PHKB: variants seen among roughly 807,000 people sequenced by gnomAD.
PHKB encodes phosphorylase kinase regulatory subunit beta, also known as phosphorylase b kinase regulatory subunit beta.
Under a neutral mutation model 152.1 loss-of-function variants are expected in PHKB, and 122 were observed. The observed-to-expected ratio is 0.80, with a 90% confidence interval of 0.69 to 0.93. The LOEUF (loss-of-function observed/expected upper bound fraction) is 0.93. Among genes scored for constraint, PHKB ranks in the 40% least tolerant of loss-of-function variants. The pLI is 0.00. For missense variants in PHKB, 1,304 were observed against 1,328.4 expected (o/e 0.98, Z 0.29); for synonymous variants, 436 against 464.9 (o/e 0.94, Z 0.80).
intron 2 of PHKB, among the ~76,000 whole-genome samples, chr16:47,497,912 T>C (rs1443655855): frequency 2.6e-5 from 4 of 152,224 alleles, no homozygotes; most frequent in African/African-American, 7.2e-5. Context: ...GTTAGTATTA[T>C]TAATATCAGG....
chr16:47,630,044 G>T (rs1404265577), intron 14 of PHKB, among the ~76,000 whole-genome samples: 11 of 151,960 alleles, frequency 7.2e-5, no homozygotes, highest in Admixed American at 1.3e-4. Flanking sequence ...GGAGGAGGGG[G>T]GGATGGCAAT....
intron 6 of PHKB, among the ~76,000 whole-genome samples, chr16:47,547,144 G>A (rs1035492305): frequency 3.3e-5 from 5 of 152,144 alleles, no homozygotes; most frequent in East Asian, 1.9e-4. Flanking sequence ...GAGGTGAACC[G>A]GTTATCTCAG....
intron 26 of PHKB, among the ~76,000 whole-genome samples, chr16:47,678,725 G>A (rs879596884): frequency 1.6e-4 from 24 of 151,858 alleles, no homozygotes; most frequent in Non-Finnish European, 2.2e-4. Context: ...TAGGTTGCCT[G>A]TTCACTCTGA....
chr16:47,510,226 C>T (rs1431892098), intron 4 of PHKB, among the ~76,000 whole-genome samples: 10 of 152,056 alleles, frequency 6.6e-5, no homozygotes, highest in African/African-American at 1.2e-4. Context: ...TTATAGCAAC[C>T]GTGTTATGTA....
At chr16:47,548,672 T>G (rs933427540) in intron 7 of PHKB, among the ~76,000 whole-genome samples, 4 of 151,630 alleles carry the variant, frequency 2.6e-5, no homozygotes, top group Non-Finnish European at 5.9e-5. Flanking sequence ...TGTTCTCTAT[T>G]TTATGATAGA....
At chr16:47,639,992 A>G (rs1431152705) in intron 14 of PHKB, among the ~76,000 whole-genome samples, 3 of 152,156 alleles carry the variant, frequency 2.0e-5, no homozygotes, top group East Asian at 1.9e-4. Flanking sequence ...TTAAATGGGT[A>G]TTTGTTTTTG....
rs779418998 is a variant in PHKB at position 47,696,442 on chromosome 16, C to T, written c.2957C>T (p.Thr986Met). 64 of 1,610,582 alleles carry T rather than the reference C, an allele frequency of 4.0e-5. No homozygotes were observed. The highest frequency in any genetic ancestry group is 5.2e-5 in the Non-Finnish European group (61 of 1,176,922). ...EMNFSLLVED[T>M]LGNIDQPQYR... ...AATTTCTCTCTCCTTGTTGAAGACA[C>T]GTTGGGAAATATTGACCAGCCACAG... The change falls in exon 29 of 31, where the codon ACG becomes ATG. Residue 986 changes from threonine (T) to methionine (M), a missense_variant. By Grantham distance (81) the Thr-to-Met change is moderately conservative (BLOSUM62 -1). Coordinates refer to ENST00000323584, the MANE Select transcript of PHKB (RefSeq NM_000293.3).
chr16:47,484,862 A>C (rs142331919), intron 1 of PHKB, among the ~76,000 whole-genome samples: 1 of 152,334 alleles, frequency 6.6e-6, no homozygotes, highest in Admixed American at 6.5e-5. Flanking sequence ...AATGCATATA[A>C]TATTTTCATA....
At position 47,596,395 on chromosome 16, in the gene PHKB, C is replaced by T. The variant is rs1387970247; in HGVS notation, c.1227C>T (p.Tyr409=). ...TTEGYPVVPK[Y]YYVPADFVEY... ...TAGGATATCCTGTTGTACCAAAGTA[C>T]TATTATGTGCCAGCTGACTTTGTAG... Residue 409 remains tyrosine (Y), a synonymous_variant, in exon 13 of 31, where the codon TAC becomes TAT. Transcript: ENST00000323584. 5 of 1,607,920 alleles carry T rather than the reference C, an allele frequency of 3.1e-6. No homozygotes were observed. Among genetic ancestry groups the T allele is most frequent in the African/African-American group, 2.7e-5 (2 of 74,722 alleles).
At chr16:47,653,371 C>T (rs1973274256) in intron 20 of PHKB, among the ~76,000 whole-genome samples, 1 of 152,136 alleles carries the variant, frequency 6.6e-6, no homozygotes, top group African/African-American at 2.4e-5. Flanking sequence ...AATCAGGGAG[C>T]TGGAAGCAGA....
At chr16:47,639,370 G>A (rs2151725491) in intron 14 of PHKB, among the ~76,000 whole-genome samples, 1 of 152,358 alleles carries the variant, frequency 6.6e-6, no homozygotes, top group South Asian at 2.1e-4. Context: ...GGCAGTGAAA[G>A]GAAGAGAGTT....
At chr16:47,601,800 A>G (rs759064123) in intron 13 of PHKB, among the ~76,000 whole-genome samples, 2 of 152,160 alleles carry the variant, frequency 1.3e-5, no homozygotes, top group Non-Finnish European at 2.9e-5. Flanking sequence ...CATAGTGATG[A>G]TCTTCATTCA....
intron 13 of PHKB, among the ~76,000 whole-genome samples, chr16:47,601,441 C>T (rs1972224280): frequency 6.6e-6 from 1 of 152,100 alleles, no homozygotes; most frequent in Non-Finnish European, 1.5e-5. Flanking sequence ...TGTGGTGGCT[C>T]ATGCCTGTAA....
chr16:47,537,209 C>G (rs1387297959), intron 6 of PHKB, among the ~76,000 whole-genome samples: 1 of 152,170 alleles, frequency 6.6e-6, no homozygotes, highest in African/African-American at 2.4e-5. Flanking sequence ...GACAAAATTG[C>G]AACAATTCAA....
At chr16:47,662,695 G>A (rs1422459330) in intron 23 of PHKB, among the ~76,000 whole-genome samples, 2 of 152,100 alleles carry the variant, frequency 1.3e-5, no homozygotes, top group East Asian at 3.8e-4. Flanking sequence ...GGAACTTTTA[G>A]CAAATTTCAA....
At chr16:47,515,140 A>G (rs1203671755) in intron 5 of PHKB, among the ~76,000 whole-genome samples, 1 of 152,210 alleles carries the variant, frequency 6.6e-6, no homozygotes, top group Non-Finnish European at 1.5e-5. Flanking sequence ...AGACTATTCC[A>G]AAGTAGAGTA....
intron 4 of PHKB, among the ~76,000 whole-genome samples, chr16:47,505,255 C>T (rs182571043): frequency 1.1e-3 from 160 of 152,262 alleles, no homozygotes; most frequent in Middle Eastern, 3.4e-3. Context: ...CCTAGTGGGC[C>T]GCTTCTGGTA....
chr16:47,610,730 AT>A, intron 13 of PHKB, 95 bp from the exon 14 acceptor site: 1 of 750,816 alleles, frequency 1.3e-6, no homozygotes, highest in Non-Finnish European at 2.4e-6. Context: ...AAAAATGTAT[AT>A]TCTTCTCTTG....
intron 4 of PHKB, among the ~76,000 whole-genome samples, chr16:47,511,426 C>T (rs1970507897): frequency 6.6e-6 from 1 of 152,186 alleles, no homozygotes; most frequent in African/African-American, 2.4e-5. Context: ...TAACCTGCTC[C>T]ATACTATACC....
Sources: gnomAD v4.1 joint callset for allele counts (sites outside exome capture counted in the v4.1 genomes callset) on GRCh38, gnomAD v4.1.1 for gene constraint, MANE v1.5 for transcripts, NCBI Gene and HGNC (gene_info 2026-07-23, HGNC 2026-07-21) for gene names.